Variants in TRAPPC9 observed in about 807,000 individuals in gnomAD.
The protein encoded by TRAPPC9 is trafficking protein particle complex subunit 9.
A neutral mutation model predicts 124.0 loss-of-function variants in TRAPPC9; 83 were observed. The observed-to-expected ratio is 0.67, with a 90% confidence interval of 0.56 to 0.80. The LOEUF is 0.80. Among genes scored for constraint, TRAPPC9 ranks in the 30% least tolerant of loss-of-function variants. TRAPPC9 has a pLI of 0.00. For missense variants in TRAPPC9, 1,302 were observed against 1,508.3 expected, an observed-to-expected ratio of 0.86 and a Z score of 2.27; for synonymous variants, 638 against 617.5, an observed-to-expected ratio of 1.03 and a Z score of -0.49.
intron 20 of TRAPPC9, among the ~76,000 whole-genome samples, chr8:139,900,993 TAAATAAATA>T (rs1246306905): frequency 0.017 from 2,028 of 116,904 alleles, 48 homozygotes; most frequent in African/African-American, 0.073. Flanking sequence ...AATAAATAAA[TAAATAAATA>T]AAATAAATAA....
chr8:140,174,470 T>A (rs924512150), intron 17 of TRAPPC9, among the ~76,000 whole-genome samples: 1 of 152,242 alleles, frequency 6.6e-6, no homozygotes, highest in South Asian at 2.1e-4. Flanking sequence ...ACTTTTAGTA[T>A]ATTCACAGAA....
At chr8:140,427,379 TCACACACA>T (rs60720377) in intron 4 of TRAPPC9, among the ~76,000 whole-genome samples, 5 of 148,448 alleles carry the variant, frequency 3.4e-5, no homozygotes, top group African/African-American at 9.9e-5. Flanking sequence ...TATCTCTCTC[TCACACACA>T]CACACACACA....
intron 2 of TRAPPC9, among the ~76,000 whole-genome samples, chr8:140,441,309 C>A (rs1564025924): frequency 6.6e-6 from 1 of 152,008 alleles, no homozygotes; most frequent in Non-Finnish European, 1.5e-5. Flanking sequence ...GTTTTGCTCA[C>A]TTCCTTGGTA....
At chr8:140,030,450 A>G (rs960521603) in intron 17 of TRAPPC9, among the ~76,000 whole-genome samples, 3 of 152,212 alleles carry the variant, frequency 2.0e-5, no homozygotes, top group African/African-American at 7.2e-5. Context: ...AAAAATAGCT[A>G]GGTAAATCCT....
intron 7 of TRAPPC9, among the ~76,000 whole-genome samples, chr8:140,383,188 G>A (rs1432329634): frequency 7.2e-5 from 11 of 152,126 alleles, no homozygotes; most frequent in Non-Finnish European, 1.6e-4. Flanking sequence ...AAGACCAAAG[G>A]TAGAAAAAAC....
rs896616619 is a variant in TRAPPC9 at position 139,958,538 on chromosome 8, G to A, written c.2810+30188C>T. 2.6e-5 allele frequency among the ~76,000 whole-genome samples: 4 copies of A among 152,084 alleles called. No individual in the cohort carries two copies. In the East Asian group the frequency reaches 5.8e-4, roughly 22 times the overall value. On this transcript the variant is annotated intron_variant, in intron 19 of 22. Coordinates refer to ENST00000438773, the MANE Select transcript of TRAPPC9 (RefSeq NM_001160372.4). Reference sequence around the variant, plus strand: ...ACTTCTCAACAGTTTCTGTTATCCCGACTGCACTCAGCACAGAGCCATCAC... The same window carrying A: ...ACTTCTCAACAGTTTCTGTTATCCCAACTGCACTCAGCACAGAGCCATCAC...
intron 13 of TRAPPC9, 82 bp downstream of exon 13, chr8:140,287,526 C>T (rs2065522944): frequency 6.4e-6 from 10 of 1,565,754 alleles, no homozygotes; most frequent in East Asian, 4.5e-5. Flanking sequence ...GCATGACGGG[C>T]GATCGGCTCT....
intron 17 of TRAPPC9, among the ~76,000 whole-genome samples, chr8:140,050,036 T>G (rs1841885518): frequency 6.6e-6 from 1 of 152,170 alleles, no homozygotes; most frequent in Admixed American, 6.5e-5. Flanking sequence ...ACCAGGGGCA[T>G]GAGTACAGCG....
chr8:140,190,467 G>GCAA (rs61020459), intron 17 of TRAPPC9, among the ~76,000 whole-genome samples: 27,551 of 151,774 alleles, frequency 0.18, 3,267 homozygotes, highest in East Asian at 0.63. Flanking sequence ...CAAAAGAGCA[G>GCAA]CAACAACAAC....
Position 140,142,210 on chromosome 8 carries a change from C to A in TRAPPC9, c.2556+79249G>T, listed in dbSNP as rs191613374. The stretch of plus-strand genomic sequence containing the variant: ...TTGCATTTGAAGACATGTCCTCAGA[C>A]ACACGGCATCTCGTGCACACATTCG... On this transcript the variant is annotated intron_variant, in intron 17 of 22. Coordinates refer to ENST00000438773, the MANE Select transcript of TRAPPC9 (RefSeq NM_001160372.4). Among the ~76,000 whole-genome samples, 29 of 152,368 alleles carry A rather than the reference C, an allele frequency of 1.9e-4. No homozygotes were observed. In the East Asian group the frequency reaches 5.4e-3, roughly 28 times the overall value.
Position 140,132,594 on chromosome 8 carries a change from G to A in TRAPPC9, c.2556+88865C>T, listed in dbSNP as rs556895377. 2.7e-4 allele frequency among the ~76,000 whole-genome samples: 41 copies of A among 152,238 alleles called. No homozygotes were observed. In the South Asian group the frequency reaches 4.8e-3, roughly 18 times the overall value. On this transcript the variant is annotated intron_variant, in intron 17 of 22. Coordinates refer to ENST00000438773, the MANE Select transcript of TRAPPC9 (RefSeq NM_001160372.4). ...AACAAACAGCAGTCCCCACGCAGAC[G>A]GCGGGGCCTCCTAATCCCTCCAACA...
chr8:139,873,829 G>A (rs1829153128), intron 21 of TRAPPC9, among the ~76,000 whole-genome samples: 1 of 152,232 alleles, frequency 6.6e-6, no homozygotes, highest in South Asian at 2.1e-4. Flanking sequence ...CCTGGCTCTA[G>A]GATCAGAACC....
In TRAPPC9 at chr8:140,437,804, C is replaced by G. The variant is rs184130699; in HGVS notation, c.730+1248G>C. 5.9e-5 allele frequency among the ~76,000 whole-genome samples: 9 copies of G among 152,250 alleles called. No homozygotes were observed. In the East Asian group the frequency reaches 1.7e-3, roughly 29 times the overall value. On this transcript the variant is annotated intron_variant, in intron 3 of 22. Coordinates refer to ENST00000438773, the MANE Select transcript of TRAPPC9 (RefSeq NM_001160372.4). ...TTTTAGTCCTTACCCACACAATGGA[C>G]TCAGCCAGTCCATCCTCCCAGGACC... is the stretch of plus-strand genomic sequence containing the variant.
At chr8:139,842,143 G>A (rs1826773576) in intron 21 of TRAPPC9, among the ~76,000 whole-genome samples, 1 of 152,240 alleles carries the variant, frequency 6.6e-6, no homozygotes, top group Non-Finnish European at 1.5e-5. Context: ...GGTCAGAGCT[G>A]TGCTTTTAAA....
chr8:139,729,903 G>A lies in TRAPPC9; in HGVS notation c.*1158C>T, dbSNP rs537790438. Reference sequence around the variant, plus strand: ...ACCTGACGAGCCTGGTATCTGCTGGGGACCAAGGGCTGTTTATCCTCCCTG... The same window carrying A: ...ACCTGACGAGCCTGGTATCTGCTGGAGACCAAGGGCTGTTTATCCTCCCTG... On this transcript the variant is annotated 3_prime_UTR_variant, in exon 23 of 23. Coordinates refer to ENST00000438773, the MANE Select transcript of TRAPPC9 (RefSeq NM_001160372.4). Among the ~76,000 whole-genome samples the A allele has an allele frequency of 1.1e-4, 16 of 152,272 alleles. No individual in the cohort carries two copies. Among genetic ancestry groups the A allele is most frequent in the African/African-American group, 3.8e-4 (16 of 41,566 alleles).
chr8:139,973,082 C>G (rs912280664), intron 19 of TRAPPC9, among the ~76,000 whole-genome samples: 12 of 152,208 alleles, frequency 7.9e-5, no homozygotes, highest in African/African-American at 2.9e-4. Flanking sequence ...TAAAAGCCAC[C>G]CTTTTTCTAT....
chr8:140,238,622 C>G (rs2063780854), intron 16 of TRAPPC9: 1 of 152,194 alleles, frequency 6.6e-6, no homozygotes, highest in South Asian at 2.1e-4. Context: ...GAACACAAAA[C>G]AAAAGTAGCG....
chr8:139,985,692 G>A (rs180817622), intron 19 of TRAPPC9, among the ~76,000 whole-genome samples: 243 of 152,200 alleles, frequency 1.6e-3, no homozygotes, highest in Non-Finnish European at 1.9e-3. Flanking sequence ...GCCCAAACAG[G>A]ACCTGCTACA....
intron 2 of TRAPPC9, among the ~76,000 whole-genome samples, chr8:140,446,110 T>C (rs565193477): frequency 6.6e-6 from 1 of 152,054 alleles, no homozygotes; most frequent in African/African-American, 2.4e-5. Flanking sequence ...CTGGCCAACA[T>C]AGTGAAACCC....
Sources: gnomAD v4.1 joint callset for allele counts (sites outside exome capture counted in the v4.1 genomes callset) on GRCh38, gnomAD v4.1.1 for gene constraint, MANE v1.5 for transcripts, NCBI Gene and HGNC (gene_info 2026-07-23, HGNC 2026-07-21) for gene names.